Variants in NRXN3 observed in about 807,000 individuals in gnomAD.
NRXN3 encodes the protein neurexin III.
Under a neutral mutation model 137.6 loss-of-function variants are expected in NRXN3, and 32 were observed. The ratio of observed to expected loss-of-function variants is 0.23; its 90% confidence interval spans 0.18 to 0.31. The LOEUF is 0.31. Ranked by LOEUF, NRXN3 falls within the 10% of genes least tolerant of loss-of-function variation. The pLI, the probability that NRXN3 is intolerant of heterozygous loss-of-function variation, is 1.00. For synonymous variants in NRXN3, 798 were observed against 784.5 expected (o/e 1.02, Z -0.29); for missense variants, 1,574 against 2,062.5 (o/e 0.76, Z 4.59).
chr14:78,847,217 C>T (rs10147293), intron 10 of NRXN3, among the ~76,000 whole-genome samples: 2,594 of 152,154 alleles, frequency 0.017, 79 homozygotes, highest in African/African-American at 0.059. Context: ...AACACATTTA[C>T]GGTTAATGAC....
chr14:79,049,857 A>G (rs544032915), intron 15 of NRXN3, among the ~76,000 whole-genome samples: 92 of 151,940 alleles, frequency 6.1e-4, no homozygotes, highest in Middle Eastern at 3.4e-3. Flanking sequence ...TTAAAAATGT[A>G]TATCATATAT....
At chr14:79,444,033 G>A (rs139165210) in intron 15 of NRXN3, among the ~76,000 whole-genome samples, 3 of 152,108 alleles carry the variant, frequency 2.0e-5, no homozygotes, top group Non-Finnish European at 4.4e-5. Flanking sequence ...GTTCAGAGCC[G>A]CCCCAGCTCC....
chr14:79,604,048 C>T (rs962741805), intron 16 of NRXN3, among the ~76,000 whole-genome samples: 1 of 151,832 alleles, frequency 6.6e-6, no homozygotes, highest in Non-Finnish European at 1.5e-5. Flanking sequence ...CCACCACGCC[C>T]AGATAAATTT....
chr14:79,522,112 G>C (rs1183294384), intron 16 of NRXN3, among the ~76,000 whole-genome samples: 1 of 152,148 alleles, frequency 6.6e-6, no homozygotes, highest in African/African-American at 2.4e-5. Context: ...GTTCCAGGCA[G>C]AATCAATGGA....
rs76171415 is a variant in NRXN3, at chr14:78,222,056, A to G, written c.-703-20335A>G. Among the ~76,000 whole-genome samples, 471 of 152,310 alleles carry G rather than the reference A, an allele frequency of 3.1e-3. 3 individuals carry two copies. Among genetic ancestry groups the G allele is most frequent in the African/African-American group, 0.011 (444 of 41,570 alleles). On this transcript the variant is annotated intron_variant, in intron 1 of 20. Coordinates refer to ENST00000335750, the MANE Select transcript of NRXN3 (RefSeq NM_001330195.2). Reference sequence around the variant, plus strand: ...TGGCATGAGGCCCTTGAATGATGACATAAGCACAGAGGGGAAGAAAGGATA... The same window carrying G: ...TGGCATGAGGCCCTTGAATGATGACGTAAGCACAGAGGGGAAGAAAGGATA...
chr14:78,603,650 C>A (rs2097220541), intron 4 of NRXN3, among the ~76,000 whole-genome samples: 1 of 152,168 alleles, frequency 6.6e-6, no homozygotes, highest in South Asian at 2.1e-4. Context: ...TACACATGTT[C>A]ATTTTACTGC....
intron 15 of NRXN3, among the ~76,000 whole-genome samples, chr14:79,113,015 C>T (rs1167576210): frequency 6.6e-6 from 1 of 152,178 alleles, no homozygotes; most frequent in Non-Finnish European, 1.5e-5. Flanking sequence ...AGTAGACCGA[C>T]CTTTCTCAGC....
At chr14:78,855,787 C>T (rs1044346846) in intron 10 of NRXN3, among the ~76,000 whole-genome samples, 1 of 152,238 alleles carries the variant, frequency 6.6e-6, no homozygotes, top group East Asian at 1.9e-4. Flanking sequence ...CTAGAATATA[C>T]AGATTTTTCT....
intron 10 of NRXN3, among the ~76,000 whole-genome samples, chr14:78,848,571 C>T (rs2099034124): frequency 1.3e-5 from 2 of 152,056 alleles, no homozygotes; most frequent in Non-Finnish European, 2.9e-5. Flanking sequence ...ATGAAGTTAT[C>T]GATGCATCTG....
intron 15 of NRXN3, among the ~76,000 whole-genome samples, chr14:79,333,544 G>A (rs2091968849): frequency 6.6e-6 from 1 of 152,154 alleles, no homozygotes; most frequent in Non-Finnish European, 1.5e-5. Context: ...CATTGGAGAA[G>A]GGCCGCTGAA....
chr14:78,839,411 A>G (rs1167409866), intron 10 of NRXN3, among the ~76,000 whole-genome samples: 4 of 152,182 alleles, frequency 2.6e-5, no homozygotes, highest in Admixed American at 6.5e-5. Context: ...TTTTTATCTT[A>G]AAAGCAATGG....
At chr14:79,387,714 A>G (rs868569856) in intron 15 of NRXN3, among the ~76,000 whole-genome samples, 1 of 151,970 alleles carries the variant, frequency 6.6e-6, no homozygotes, top group Non-Finnish European at 1.5e-5. Context: ...CAAATGTCCA[A>G]CAATGATAGA....
chr14:78,389,588 T>C (rs1159615374), intron 4 of NRXN3, among the ~76,000 whole-genome samples: 1 of 152,224 alleles, frequency 6.6e-6, no homozygotes, highest in Admixed American at 6.5e-5. Flanking sequence ...TTCTATCAAG[T>C]ATTTAAGTTT....
intron 19 of NRXN3, among the ~76,000 whole-genome samples, chr14:79,707,266 T>C (rs956940247): frequency 6.6e-6 from 1 of 152,318 alleles, no homozygotes; most frequent in East Asian, 1.9e-4. Context: ...CGAATGAAAG[T>C]AAGTTAAGCA....
chr14:79,639,817 T>A (rs1322356067), intron 16 of NRXN3, among the ~76,000 whole-genome samples: 1 of 152,148 alleles, frequency 6.6e-6, no homozygotes, highest in Non-Finnish European at 1.5e-5. Context: ...TTATTTTGGG[T>A]GTGACCTTGA....
At chr14:78,873,182 A>G (rs757648820) in intron 10 of NRXN3, among the ~76,000 whole-genome samples, 3 of 151,890 alleles carry the variant, frequency 2.0e-5, no homozygotes, top group Non-Finnish European at 4.4e-5. Flanking sequence ...TTAGCTTTCC[A>G]CTTTTTTCTG....
intron 15 of NRXN3, among the ~76,000 whole-genome samples, chr14:79,303,669 T>C (rs2085527270): frequency 2.0e-5 from 3 of 152,028 alleles, no homozygotes; most frequent in African/African-American, 7.2e-5. Context: ...AATAAATATT[T>C]TTGGCTTTTC....
At position 79,486,242 on chromosome 14, in the gene NRXN3, C is replaced by T. The variant is rs1458883145; in HGVS notation, c.3444+18840C>T. On this transcript the variant is annotated intron_variant, in intron 16 of 20. Transcript: ENST00000335750. Reference sequence around the variant, plus strand: ...AAAGAGCCAAGGCCCAATTTAACTCCCTAGTGCCAGGGTCTCCAAATGTTT... The same window carrying T: ...AAAGAGCCAAGGCCCAATTTAACTCTCTAGTGCCAGGGTCTCCAAATGTTT... Among the ~76,000 whole-genome samples the T allele has an allele frequency of 2.0e-5, 3 of 152,200 alleles. No individual in the cohort carries two copies. In the East Asian group the frequency reaches 5.8e-4, roughly 29 times the overall value.
At chr14:78,710,084 A>G (rs2081340) in intron 7 of NRXN3, 24,902 of 175,690 alleles carry the variant, frequency 0.14, 2,601 homozygotes, top group African/African-American at 0.31. Flanking sequence ...TCACTGTGCA[A>G]GAATTTATGC....
Sources: gnomAD v4.1 joint callset for allele counts (sites outside exome capture counted in the v4.1 genomes callset) on GRCh38, gnomAD v4.1.1 for gene constraint, MANE v1.5 for transcripts, NCBI Gene and HGNC (gene_info 2026-07-23, HGNC 2026-07-21) for gene names.